The following CMIP variants were observed in gnomAD, a reference collection of about 807,000 sequenced individuals.
The protein encoded by CMIP is C-Maf-inducing protein.
Under a neutral mutation model 97.3 loss-of-function variants are expected in CMIP, and 13 were observed. That is an observed-to-expected ratio of 0.13 (90% CI 0.09 to 0.21). The LOEUF is 0.21. CMIP is among the 10% of genes least tolerant of loss of function. CMIP has a pLI of 1.00. For missense variants in CMIP, 847 were observed against 1,024.9 expected, an observed-to-expected ratio of 0.83 and a Z score of 2.37; for synonymous variants, 538 against 436.3, an observed-to-expected ratio of 1.23 and a Z score of -2.91.
intron 3 of CMIP, among the ~76,000 whole-genome samples, chr16:81,636,029 G>A (rs2092230086): frequency 6.6e-6 from 1 of 152,110 alleles, no homozygotes; most frequent in African/African-American, 2.4e-5. Context: ...CAGCATGTAT[G>A]ATGCAGCTGA....
chr16:81,522,346 A>C (rs2925991), intron 1 of CMIP, among the ~76,000 whole-genome samples: 14,403 of 152,176 alleles, frequency 0.095, 1,614 homozygotes, highest in African/African-American at 0.28. Context: ...CCACTGAAGC[A>C]CACCCAGAGC....
chr16:81,640,733 G>A (rs1034405231), intron 3 of CMIP, among the ~76,000 whole-genome samples: 11 of 71,758 alleles, frequency 1.5e-4, no homozygotes. Context: ...AGGTCTCTCT[G>A]GAGCATGTGT....
chr16:81,682,667 A>C, intron 10 of CMIP, among the ~76,000 whole-genome samples: 1 of 152,144 alleles, frequency 6.6e-6, no homozygotes, highest in East Asian at 1.9e-4. Flanking sequence ...AACCACATCC[A>C]TCGGAGAGGG....
At chr16:81,706,502 G>T (rs1001225269) in intron 19 of CMIP, among the ~76,000 whole-genome samples, 2 of 152,196 alleles carry the variant, frequency 1.3e-5, no homozygotes, top group African/African-American at 4.8e-5. Flanking sequence ...GGGGGGGCGC[G>T]GTCCTCATCA....
At chr16:81,658,803 T>C (rs1282764615) in intron 5 of CMIP, among the ~76,000 whole-genome samples, 1 of 152,236 alleles carries the variant, frequency 6.6e-6, no homozygotes, top group Non-Finnish European at 1.5e-5. Flanking sequence ...CTGCCTGGGA[T>C]GTCTCCTGGC....
intron 3 of CMIP, among the ~76,000 whole-genome samples, chr16:81,646,055 G>C (rs377258110): frequency 2.0e-5 from 3 of 151,602 alleles, no homozygotes; most frequent in Admixed American, 2.0e-4. Flanking sequence ...TGAATAGATC[G>C]ATGAGTGAGT....
At chr16:81,465,021 T>A (rs77311304) in intron 1 of CMIP, among the ~76,000 whole-genome samples, 24,350 of 152,242 alleles carry the variant, frequency 0.16, 2,109 homozygotes, top group Non-Finnish European at 0.2. Context: ...TGAACATTGG[T>A]GCAAGTATTT....
At chr16:81,491,949 G>T (rs1362971266) in intron 1 of CMIP, among the ~76,000 whole-genome samples, 1 of 152,134 alleles carries the variant, frequency 6.6e-6, no homozygotes, top group Non-Finnish European at 1.5e-5. Flanking sequence ...TAGTGGCCAC[G>T]TGGTCATCTT....
rs576275952 is a variant in CMIP at position 81,705,225 on chromosome 16, C to G, written c.2092-274C>G. On this transcript the variant is annotated intron_variant, in intron 18 of 20. Transcript: ENST00000537098. ...GCAGCATCTCGAAGCTAGGGAGAGA[C>G]AAGTTCAAAGCCCTCCTTCATGGAG... Among the ~76,000 whole-genome samples, 36 of 152,354 alleles carry G rather than the reference C, an allele frequency of 2.4e-4. 1 individual carries two copies. Among genetic ancestry groups the G allele is most frequent in the Admixed American group, 1.2e-3 (18 of 15,308 alleles).
At chr16:81,664,371 C>T (rs1419961202) in intron 7 of CMIP, 22 bp downstream of exon 7, 1 of 1,572,318 alleles carries the variant, frequency 6.4e-7, no homozygotes, top group Non-Finnish European at 8.6e-7. Context: ...TGCCCCAACA[C>T]CCAGACCCCA....
chr16:81,592,457 C>T lies in CMIP; in HGVS notation c.301-15110C>T, dbSNP rs950948200. Among the ~76,000 whole-genome samples, 6 of 152,348 alleles carry T rather than the reference C, an allele frequency of 3.9e-5. No individual in the cohort carries two copies. The South Asian group carries it at 6.2e-4, about 16-fold the overall frequency. ...AAGGCCACCTCTGGGCAGCCCTCCC[C>T]GTGTTCCAGGGTGCCCCTCCCTCCT... On this transcript the variant is annotated intron_variant, in intron 1 of 20. Transcript: ENST00000537098.
At chr16:81,478,476 C>T (rs931796640) in intron 1 of CMIP, among the ~76,000 whole-genome samples, 2 of 152,136 alleles carry the variant, frequency 1.3e-5, no homozygotes, top group Admixed American at 1.3e-4. Context: ...GTCAGATGGA[C>T]ATGTGTCAGT....
chr16:81,447,236 CT>C (rs147206378), intron 1 of CMIP, among the ~76,000 whole-genome samples: 409 of 136,180 alleles, frequency 3.0e-3, no homozygotes, highest in Middle Eastern at 3.7e-3. Flanking sequence ...CTTTATTGGG[CT>C]TTTTTTTTTT....
intron 1 of CMIP, among the ~76,000 whole-genome samples, chr16:81,564,298 T>G (rs1057033080): frequency 1.3e-5 from 2 of 152,144 alleles, no homozygotes; most frequent in African/African-American, 4.8e-5. Context: ...CCACTTAAGG[T>G]GCCTTTCTTG....
intron 1 of CMIP, among the ~76,000 whole-genome samples, chr16:81,446,700 C>T (rs1905867044): frequency 6.6e-6 from 1 of 152,176 alleles, no homozygotes; most frequent in South Asian, 2.1e-4. Context: ...GTGTCGCTTA[C>T]ATGGCATGTC....
intron 1 of CMIP, among the ~76,000 whole-genome samples, chr16:81,599,498 G>T (rs1004704421): frequency 6.6e-6 from 1 of 152,222 alleles, no homozygotes; most frequent in East Asian, 1.9e-4. Flanking sequence ...TGCTGCGTGG[G>T]GTAGCAACAG....
chr16:81,599,334 G>A (rs2150930464), intron 1 of CMIP, among the ~76,000 whole-genome samples: 1 of 152,292 alleles, frequency 6.6e-6, no homozygotes, highest in East Asian at 1.9e-4. Context: ...GGCCCTTCTA[G>A]GATCATATCG....
At position 81,485,914 on chromosome 16, in the gene CMIP, C is replaced by T. The variant is rs115982567; in HGVS notation, c.300+40373C>T. Reference sequence around the variant, plus strand: ...TGTAGAGGTGGGAGTACCCAGCTCTCCCCTGGATTCTGCCACTTCCCCGAA... The same window carrying T: ...TGTAGAGGTGGGAGTACCCAGCTCTTCCCTGGATTCTGCCACTTCCCCGAA... On this transcript the variant is annotated intron_variant, in intron 1 of 20. Coordinates refer to ENST00000537098, the MANE Select transcript of CMIP (RefSeq NM_198390.3). Among the ~76,000 whole-genome samples, 530 of 152,298 alleles carry T rather than the reference C, an allele frequency of 3.5e-3. 5 individuals are homozygous for T. Among genetic ancestry groups the T allele is most frequent in the African/African-American group, 0.012 (499 of 41,554 alleles).
intron 3 of CMIP, among the ~76,000 whole-genome samples, chr16:81,626,065 G>A (rs2092056733): frequency 6.6e-6 from 1 of 152,238 alleles, no homozygotes; most frequent in South Asian, 2.1e-4. Context: ...CCCTGGCCAC[G>A]CTGCCTTCTT....
Sources: gnomAD v4.1 joint callset for allele counts (sites outside exome capture counted in the v4.1 genomes callset) on GRCh38, gnomAD v4.1.1 for gene constraint, MANE v1.5 for transcripts, NCBI Gene and HGNC (gene_info 2026-07-23, HGNC 2026-07-21) for gene names.